Variants in METTL16 observed in about 807,000 individuals in gnomAD.
METTL16 encodes methyltransferase 16, RNA N6-adenosine.
Under a neutral mutation model 57.9 loss-of-function variants are expected in METTL16, and 19 were observed. The observed-to-expected ratio is 0.33, with a 90% CI of 0.23 to 0.48. The LOEUF is 0.48. Ranked by LOEUF, METTL16 falls within the 20% of genes least tolerant of loss-of-function variation. The pLI is 0.99. For synonymous variants in METTL16, 246 were observed against 255.6 expected (o/e 0.96, Z 0.36); for missense variants, 434 against 691.5 (o/e 0.63, Z 4.18).
intron 4 of METTL16, among the ~76,000 whole-genome samples, chr17:2,472,797 A>G (rs2067243174): frequency 6.6e-6 from 1 of 152,232 alleles, no homozygotes; most frequent in African/African-American, 2.4e-5. Flanking sequence ...GGAAAATGTA[A>G]AACTGTGGAG....
chr17:2,487,854 A>G (rs7216336), intron 2 of METTL16, among the ~76,000 whole-genome samples: 121,738 of 151,652 alleles, frequency 0.8, 49,023 homozygotes, highest in East Asian at 0.82. Flanking sequence ...AAAAAATTTT[A>G]AATTAGCCAG....
intron 2 of METTL16, among the ~76,000 whole-genome samples, chr17:2,498,866 C>T (rs1157052310): frequency 2.0e-5 from 3 of 151,490 alleles, no homozygotes; most frequent in Non-Finnish European, 4.4e-5. Context: ...AAAGTATAAC[C>T]ATCCCCAGCC....
In METTL16 at chr17:2,490,509, G is replaced by A. The variant is rs117282782; in HGVS notation, c.128+11695C>T. 6.0e-3 allele frequency among the ~76,000 whole-genome samples: 909 copies of A among 152,260 alleles called. 5 individuals are homozygous for A. Among genetic ancestry groups the A allele is most frequent in the Non-Finnish European group, 1.0e-2 (679 of 68,012 alleles). On this transcript the variant is annotated intron_variant, in intron 2 of 9. Coordinates refer to ENST00000263092, the MANE Select transcript of METTL16 (RefSeq NM_024086.4). ...GATTACGGACTAATTTCATCTTTTA[G>A]GGTGAAAGAACTGACTTTTTGTATG...
chr17:2,496,067 A>G (rs1234768532), intron 2 of METTL16, among the ~76,000 whole-genome samples: 1 of 151,346 alleles, frequency 6.6e-6, no homozygotes, highest in Non-Finnish European at 1.5e-5. Context: ...CTGAGACCAC[A>G]CCACTGCACT....
chr17:2,439,949 G>A (rs897579615), intron 7 of METTL16, among the ~76,000 whole-genome samples: 3 of 152,186 alleles, frequency 2.0e-5, no homozygotes, highest in Non-Finnish European at 2.9e-5. Context: ...CACTTTGGGA[G>A]GCCAAGGTGG....
At chr17:2,485,510 T>C (rs984095844) in intron 2 of METTL16, among the ~76,000 whole-genome samples, 7 of 152,188 alleles carry the variant, frequency 4.6e-5, no homozygotes, top group African/African-American at 1.4e-4. Flanking sequence ...CTCTACTCAA[T>C]TGTAAACAGT....
In METTL16 at chr17:2,461,576, C is replaced by CTTT. The variant is rs568432589; in HGVS notation, c.728+2629_728+2631dup. 1.7e-3 allele frequency among the ~76,000 whole-genome samples: 215 copies of CTTT among 123,964 alleles called. 1 individual carries two copies. The highest frequency in any genetic ancestry group is 6.2e-3 in the African/African-American group (202 of 32,592). 81.3% of individuals were successfully genotyped at this position (123,964 alleles called of 152,430 possible). A position where few individuals can be genotyped will look rare whatever the true frequency, so the allele number is the denominator to read the frequency against. ...TTCATTTCTGAGGATGTTCTCCTGT[C>CTTT]TTTTTTTTTTTTTTTTTTCAGATGG... On this transcript the variant is annotated intron_variant, in intron 6 of 9. Transcript: ENST00000263092.
intron 6 of METTL16, among the ~76,000 whole-genome samples, chr17:2,457,088 CTT>C (rs932745739): frequency 6.6e-6 from 1 of 151,230 alleles, no homozygotes; most frequent in Non-Finnish European, 1.5e-5. Context: ...AATCCCAGCA[CTT>C]TGGGAGGCCA....
Position 2,506,513 on chromosome 17 carries a change from C to T in METTL16, c.1-4182G>A, listed in dbSNP as rs889932978. Among the ~76,000 whole-genome samples the T allele has an allele frequency of 7.0e-4, 24 of 34,120 alleles. No individual in the cohort carries two copies. In the South Asian group the frequency reaches 0.018, roughly 25 times the overall value. 22.4% of individuals were successfully genotyped at this position (34,120 alleles called of 152,430 possible). The stretch of plus-strand genomic sequence containing the variant: ...GTGTTGGCCGGGCTGGTCTCCAGCT[C>T]CTAACCGCGAGTGATCCGCCAGCCT... On this transcript the variant is annotated intron_variant, in intron 1 of 9. Coordinates refer to ENST00000263092, the MANE Select transcript of METTL16 (RefSeq NM_024086.4).
rs1010919733 is a variant in METTL16 at position 2,417,779 on chromosome 17, G to A, written c.*2191C>T. On this transcript the variant is annotated 3_prime_UTR_variant, in exon 10 of 10. Transcript: ENST00000263092. ...GTTACAGAAGGTTGGGACTCGGGGT[G>A]ATTTTGTTGTTTTGACTTTCATTTT... 5.3e-5 allele frequency: 8 copies of A among 152,180 alleles called. No individual in the cohort carries two copies. Among genetic ancestry groups the A allele is most frequent in the African/African-American group, 1.9e-4 (8 of 41,450 alleles). 9.4% of individuals were successfully genotyped at this position (152,180 alleles called of 1,614,324 possible). A position where few individuals can be genotyped will look rare whatever the true frequency, so the allele number is the denominator to read the frequency against.
At chr17:2,440,435 G>A (rs2066940385) in intron 7 of METTL16, among the ~76,000 whole-genome samples, 1 of 152,044 alleles carries the variant, frequency 6.6e-6, no homozygotes, top group African/African-American at 2.4e-5. Context: ...TTTTAGTAGA[G>A]ATGGGGTTTC....
chr17:2,468,005 C>T, intron 4 of METTL16, 129 bp from the exon 5 acceptor site: 1 of 646,802 alleles, frequency 1.5e-6, no homozygotes, highest in East Asian at 2.8e-5. Context: ...TATAACACCA[C>T]ATTTTTACTG....
At chr17:2,458,805 C>CT (rs58409318) in intron 6 of METTL16, among the ~76,000 whole-genome samples, 95 of 146,534 alleles carry the variant, frequency 6.5e-4, no homozygotes, top group Non-Finnish European at 7.0e-4. Flanking sequence ...GGGTGAGTCC[C>CT]TTTTTTTTTT....
At chr17:2,503,759 C>T (rs537915390) in intron 1 of METTL16, among the ~76,000 whole-genome samples, 1 of 151,636 alleles carries the variant, frequency 6.6e-6, no homozygotes, top group South Asian at 2.1e-4. Context: ...TATATCCATA[C>T]AATAAATATG....
At chr17:2,491,651 G>C (rs6502291) in intron 2 of METTL16, among the ~76,000 whole-genome samples, 46 of 152,118 alleles carry the variant, frequency 3.0e-4, no homozygotes, top group African/African-American at 1.1e-3. Context: ...CAAGGCGGGT[G>C]AATCACGAGG....
chr17:2,501,364 T>C (rs999722512), intron 2 of METTL16, among the ~76,000 whole-genome samples: 2 of 152,116 alleles, frequency 1.3e-5, no homozygotes, highest in African/African-American at 4.8e-5. Flanking sequence ...AGGAGTTCAA[T>C]GCTATCACAA....
At chr17:2,433,140 G>A (rs2066885997) in intron 8 of METTL16, among the ~76,000 whole-genome samples, 1 of 152,208 alleles carries the variant, frequency 6.6e-6, no homozygotes, top group Non-Finnish European at 1.5e-5. Flanking sequence ...AGGTTCTATG[G>A]GCTGAATGCT....
intron 8 of METTL16, among the ~76,000 whole-genome samples, chr17:2,422,337 G>GAAA (rs56736695): frequency 7.3e-6 from 1 of 136,056 alleles, no homozygotes; most frequent in Non-Finnish European, 1.6e-5. Flanking sequence ...CTCCGTTTTA[G>GAAA]AAAAAAAAAA....
At chr17:2,484,556 G>A (rs760337504) in intron 2 of METTL16, among the ~76,000 whole-genome samples, 23 of 151,540 alleles carry the variant, frequency 1.5e-4, no homozygotes, top group African/African-American at 2.9e-4. Context: ...GTTCAATGGC[G>A]CAATATCAGC....
Sources: allele counts gnomAD v4.1 joint callset (sites outside exome capture counted in the v4.1 genomes callset), GRCh38; gene constraint gnomAD v4.1.1; transcripts MANE v1.5; gene names NCBI Gene and HGNC (gene_info 2026-07-23, HGNC 2026-07-21).